Variants in HEPH observed in about 807,000 individuals in gnomAD.
The protein encoded by HEPH is hephaestin.
A neutral mutation model predicts 80.8 loss-of-function variants in HEPH; 69 were observed. That is an observed-to-expected ratio of 0.85 (90% CI 0.70 to 1.04). The LOEUF is 1.04. HEPH is among the 50% of genes least tolerant of loss of function. The probability of loss-of-function intolerance (pLI) is 0.00; values close to 1 mark genes in which losing one functional copy is unlikely to be tolerated. For synonymous variants in HEPH, 431 were observed against 322.8 expected (o/e 1.34, Z -3.60); for missense variants, 1,115 against 891.3 (o/e 1.25, Z -3.20).
chrX:66,245,177 T>C (rs1015149794), intron 15 of HEPH, among the ~76,000 whole-genome samples: 2 of 111,004 alleles, frequency 1.8e-5, no homozygotes, highest in East Asian at 5.7e-4. Context: ...TAAAAGACAC[T>C]GACTGGCAAA....
intron 6 of HEPH, 125 bp from the exon 7 acceptor site, chrX:66,192,005 G>A (rs1161576084): frequency 3.2e-6 from 2 of 624,224 alleles, no homozygotes; most frequent in Admixed American, 3.9e-5. Context: ...GGCCCATTTT[G>A]GAGCAGGAGT....
At position 66,197,711 on chromosome X, in the gene HEPH, G is replaced by A; in HGVS notation, c.1530G>A (p.Lys510=). The A allele has an allele frequency of 1.7e-6, 2 of 1,211,569 alleles. No individual in the cohort carries two copies. Among genetic ancestry groups the A allele is most frequent in the African/African-American group, 1.7e-5 (1 of 57,786 alleles). ...CATCTTACCCTGGCTTGGTTGCCAA[G>A]CCCTTTGAGAAAGTAACATACCGCT... ...DGSSYPGLVA[K]PFEKVTYRWT... The change falls in exon 10 of 21, where the codon AAG becomes AAA. Residue 510 remains lysine (K), a synonymous_variant. Coordinates refer to ENST00000343002, the MANE Select transcript of HEPH (RefSeq NM_001367233.3).
chrX:66,251,455 T>C (rs938651097), intron 15 of HEPH, among the ~76,000 whole-genome samples: 5 of 112,436 alleles, frequency 4.4e-5, no homozygotes, highest in Non-Finnish European at 7.5e-5. Flanking sequence ...TGGCTAATAA[T>C]GTTTAACATC....
At chrX:66,209,076 T>A (rs1282615277) in intron 15 of HEPH, among the ~76,000 whole-genome samples, 1 of 111,855 alleles carries the variant, frequency 8.9e-6, no homozygotes, top group Non-Finnish European at 1.9e-5. Context: ...AACTTTAGAA[T>A]CTATCGATGC....
intron 20 of HEPH, 111 bp from the exon 21 acceptor site, chrX:66,266,329 G>A (rs2091534743): frequency 1.9e-6 from 1 of 520,120 alleles, no homozygotes; most frequent in Non-Finnish European, 3.2e-6. Context: ...ATAAGGACAG[G>A]CCTCCTGTCC....
At position 66,203,569 on chromosome X, in the gene HEPH, G is replaced by C; in HGVS notation, c.2283G>C (p.Glu761Asp). 1.7e-6 allele frequency: 2 copies of C among 1,207,375 alleles called. No homozygotes were observed. Among genetic ancestry groups the C allele is most frequent in the South Asian group, 3.5e-5 (2 of 56,775 alleles). Residue 761 changes from glutamate (E) to aspartate (D), a missense_variant, in exon 13 of 21, where the codon GAG becomes GAC. Glu to Asp is a conservative substitution (Grantham distance 45). Transcript: ENST00000343002. ...SWEREWHNQS[E>D]KDSYGYIFLS... is the part of the protein sequence containing the mutation. ...AACGGGAATGGCACAACCAGTCTGA[G>C]AAGGACAGGTAAGGCTTCATAAATG...
At chrX:66,205,939 T>C (rs1258802863) in intron 13 of HEPH, among the ~76,000 whole-genome samples, 1 of 111,417 alleles carries the variant, frequency 9.0e-6, no homozygotes, top group African/African-American at 3.3e-5. Context: ...CAGACTTGAA[T>C]CTAAATCCTG....
chrX:66,195,139 G>T lies in HEPH; in HGVS notation c.1411G>T (p.Val471Phe). The T allele has an allele frequency of 8.3e-7, 1 of 1,203,539 alleles. No individual in the cohort carries two copies. Among genetic ancestry groups the T allele is most frequent in the Non-Finnish European group, 1.1e-6 (1 of 891,395 alleles). ...RAEVGDTIQV[V>F]FYNRASQPFS... ...TGAGGTGGGTGACACCATTCAGGTG[G>T]TCTTCTACAACCGTGCCTCCCAGCC... Residue 471 changes from valine (V) to phenylalanine (F), a missense_variant, in exon 9 of 21, where the codon GTC becomes TTC. Val to Phe is a conservative substitution (Grantham distance 50). Coordinates refer to ENST00000343002, the MANE Select transcript of HEPH (RefSeq NM_001367233.3).
chrX:66,195,021 C>T, intron 8 of HEPH, 77 bp from the exon 9 acceptor site: 4 of 822,212 alleles, frequency 4.9e-6, no homozygotes, highest in Non-Finnish European at 4.9e-6. Context: ...CTTTTCTTTC[C>T]CTCCCTCTTC....
rs2088276096 is a variant in HEPH at position 66,199,115 on chromosome X, A to G, written c.1864+87A>G. On this transcript the variant is annotated intron_variant, in intron 11 of 20. Transcript: ENST00000343002. ...CGTAATCATGACCAATCCTGAAAAC[A>G]CTGATTTTATTGGTCATCTCTGTCC... is the stretch of plus-strand genomic sequence containing the variant. 1.0e-5 allele frequency: 10 copies of G among 952,767 alleles called. No individual in the cohort carries two copies. The East Asian group carries it at 3.1e-4, about 30-fold the overall frequency. 78.5% of individuals were successfully genotyped at this position (952,767 alleles called of 1,213,427 possible).
At chrX:66,260,587 G>A (rs1263433239) in intron 19 of HEPH, among the ~76,000 whole-genome samples, 1 of 111,792 alleles carries the variant, frequency 8.9e-6, no homozygotes, top group Non-Finnish European at 1.9e-5. Context: ...GTGCAGGCCT[G>A]CTTCTTTTGA....
At chrX:66,258,730 C>A in intron 17 of HEPH, 110 bp from the exon 18 acceptor site, 1 of 551,748 alleles carries the variant, frequency 1.8e-6, no homozygotes, top group Non-Finnish European at 2.7e-6. Context: ...AAGCCCATTG[C>A]TATCTTCGGT....
chrX:66,204,461 T>G (rs1569330899), intron 13 of HEPH, among the ~76,000 whole-genome samples: 1 of 112,368 alleles, frequency 8.9e-6, no homozygotes. Context: ...CTGCTAAACA[T>G]CTAAAAATTT....
At position 66,266,664 on chromosome X, in the gene HEPH, A is replaced by G. The variant is rs760416369; in HGVS notation, c.3469A>G (p.Lys1157Glu). Reference protein sequence around the residue: ...LDDSFKLLSFKQ With the variant: ...LDDSFKLLSFEQ The stretch of plus-strand genomic sequence containing the variant: ...TGACAGCTTCAAGCTTCTGTCTTTC[A>G]AACAGTAACATCTGGAGCCTGGAGA... Residue 1157 changes from lysine (K) to glutamate (E), a missense_variant, in exon 21 of 21, where the codon AAA becomes GAA. Lys to Glu is a moderately conservative substitution (Grantham distance 56, BLOSUM62 1). This residue lies in a region of HEPH where 716 missense variants were observed against 523.5 expected (regional missense o/e 1.37). Transcript: ENST00000343002. 8.4e-7 allele frequency: 1 copy of G among 1,184,639 alleles called. No homozygotes were observed. Among genetic ancestry groups the G allele is most frequent in the Non-Finnish European group, 1.1e-6 (1 of 871,917 alleles).
chrX:66,172,669 GAGA>G, intron 3 of HEPH, 70 bp downstream of exon 3: 2 of 1,015,814 alleles, frequency 2.0e-6, no homozygotes, highest in Admixed American at 6.3e-5. Flanking sequence ...CCAGGTGAAG[GAGA>G]AGAACTGGTA....
intron 4 of HEPH, among the ~76,000 whole-genome samples, chrX:66,175,233 C>A (rs1196904675): frequency 1.8e-5 from 2 of 111,769 alleles, no homozygotes; most frequent in Non-Finnish European, 3.8e-5. Flanking sequence ...TGTGGCTAGC[C>A]AATTATCTCA....
At chrX:66,222,891 G>T (rs2089712582) in intron 15 of HEPH, among the ~76,000 whole-genome samples, 1 of 112,078 alleles carries the variant, frequency 8.9e-6, no homozygotes, top group South Asian at 3.7e-4. Flanking sequence ...GTCAGCAATA[G>T]AACGAGGAAA....
At chrX:66,179,801 T>A (rs1311314041) in intron 4 of HEPH, among the ~76,000 whole-genome samples, 4 of 111,878 alleles carry the variant, frequency 3.6e-5, no homozygotes, top group Non-Finnish European at 5.6e-5. Context: ...GTAATATTTT[T>A]CTGTTGAACA....
intron 15 of HEPH, among the ~76,000 whole-genome samples, chrX:66,231,157 C>G (rs909167572): frequency 1.8e-5 from 2 of 109,922 alleles, no homozygotes; most frequent in Non-Finnish European, 3.8e-5. Flanking sequence ...GGTACAAGTA[C>G]CATGCTGTTT....
Sources: gnomAD v4.1 joint callset for allele counts (sites outside exome capture counted in the v4.1 genomes callset) on GRCh38, gnomAD v4.1.1 for gene constraint, gnomAD v4.1.1 regional missense constraint, MANE v1.5 for transcripts, NCBI Gene and HGNC (gene_info 2026-07-23, HGNC 2026-07-21) for gene names.